Variants in UBE2U observed in about 807,000 individuals in gnomAD.
UBE2U encodes ubiquitin-conjugating enzyme E2 U.
Under a neutral mutation model 41.2 loss-of-function variants are expected in UBE2U, and 39 were observed. That is an observed-to-expected ratio of 0.95 (90% CI 0.73 to 1.24). UBE2U has a LOEUF of 1.24. Ranked by LOEUF, UBE2U falls within the 50% of genes most tolerant of loss-of-function variation. UBE2U has a pLI of 0.00. For synonymous variants in UBE2U, 107 were observed against 117.8 expected (o/e 0.91, Z 0.60); for missense variants, 336 against 363.1 (o/e 0.93, Z 0.61).
chr1:64,214,376 A>T (rs1261670019), intron 4 of UBE2U, among the ~76,000 whole-genome samples: 3 of 152,192 alleles, frequency 2.0e-5, no homozygotes, highest in Admixed American at 2.0e-4. Flanking sequence ...ACAAGTTGAG[A>T]CCATAATGAC....
intron 8 of UBE2U, among the ~76,000 whole-genome samples, chr1:64,259,940 G>T (rs1458104150): frequency 6.6e-6 from 1 of 151,634 alleles, no homozygotes; most frequent in Admixed American, 6.6e-5. Context: ...TAGGGTCTTT[G>T]CAGATATAAA....
chr1:64,230,963 G>A (rs927203693), intron 6 of UBE2U, among the ~76,000 whole-genome samples: 1 of 152,036 alleles, frequency 6.6e-6, no homozygotes, highest in Non-Finnish European at 1.5e-5. Flanking sequence ...ATCCCTGTAA[G>A]CTTACTTTAT....
chr1:64,204,020 G>C lies in UBE2U; in HGVS notation c.-31G>C. On this transcript the variant is annotated 5_prime_UTR_variant, in exon 1 of 10. Coordinates refer to ENST00000371077, the MANE Select transcript of UBE2U (RefSeq NM_001366232.2). ...CCTCAGAGTAAACCTGAGGCATTTG[G>C]GGACAAGTGTCAGACCCTCCGCTGC... The C allele has an allele frequency of 2.5e-6, 4 of 1,605,564 alleles. No homozygotes were observed. The highest frequency in any genetic ancestry group is 2.6e-6 in the Non-Finnish European group (3 of 1,174,716).
chr1:64,264,098 T>TACAAG (rs1455805535), intron 9 of UBE2U, among the ~76,000 whole-genome samples: 23 of 152,374 alleles, frequency 1.5e-4, no homozygotes, highest in African/African-American at 5.5e-4. Flanking sequence ...CTTGTATTAC[T>TACAAG]TGTAGTGGCT....
At chr1:64,220,816 A>G in intron 5 of UBE2U, 43 bp from the exon 6 acceptor site, 1 of 1,465,484 alleles carries the variant, frequency 6.8e-7, no homozygotes, top group Non-Finnish European at 9.5e-7. Flanking sequence ...CATATATTCA[A>G]TCTCCAAGTA....
At chr1:64,257,283 A>G (rs914060065) in intron 8 of UBE2U, among the ~76,000 whole-genome samples, 6 of 152,312 alleles carry the variant, frequency 3.9e-5, no homozygotes, top group Admixed American at 3.3e-4. Flanking sequence ...AGGAATATAA[A>G]TCATTCTGTT....
intron 5 of UBE2U, among the ~76,000 whole-genome samples, chr1:64,220,303 T>C (rs1652351000): frequency 6.6e-6 from 1 of 152,038 alleles, no homozygotes; most frequent in African/African-American, 2.4e-5. Flanking sequence ...CTGCTAATAC[T>C]CTGACAGCTG....
At chr1:64,238,409 A>C (rs1443560096) in intron 7 of UBE2U, among the ~76,000 whole-genome samples, 1 of 151,830 alleles carries the variant, frequency 6.6e-6, no homozygotes, top group Non-Finnish European at 1.5e-5. Context: ...CTTAAAAAAA[A>C]AAAAAAGAAA....
chr1:64,248,082 C>T (rs825198), intron 8 of UBE2U, among the ~76,000 whole-genome samples: 89,883 of 151,934 alleles, frequency 0.59, 27,086 homozygotes, highest in East Asian at 0.73. Flanking sequence ...CAACACTAAA[C>T]GAACTAAGAC....
rs140820735 is a variant in UBE2U at position 64,239,193 on chromosome 1, A to G, written c.596-2459A>G. 2.1e-3 allele frequency among the ~76,000 whole-genome samples: 278 copies of G among 134,908 alleles called. 1 individual carries two copies. The highest frequency in any genetic ancestry group is 0.018 in the East Asian group (77 of 4,196). 88.5% of individuals were successfully genotyped at this position (134,908 alleles called of 152,430 possible). On this transcript the variant is annotated intron_variant, in intron 7 of 9. Coordinates refer to ENST00000371077, the MANE Select transcript of UBE2U (RefSeq NM_001366232.2). Reference sequence around the variant, plus strand: ...AGAAGAAGAAGAAGAAGAAGAAGAAAGCCCCAGACAAGGACAAGACTGGTG... The same window carrying G: ...AGAAGAAGAAGAAGAAGAAGAAGAAGGCCCCAGACAAGGACAAGACTGGTG...
At chr1:64,239,127 A>AAGG (rs1557730225) in intron 7 of UBE2U, among the ~76,000 whole-genome samples, 1 of 21,984 alleles carries the variant, frequency 4.5e-5, no homozygotes, top group African/African-American at 2.2e-4. Flanking sequence ...GAAGAAGAAG[A>AAGG]AGAAGAAGAA....
intron 7 of UBE2U, among the ~76,000 whole-genome samples, chr1:64,237,773 G>T (rs1278401993): frequency 1.3e-5 from 2 of 152,094 alleles, no homozygotes; most frequent in African/African-American, 4.8e-5. Context: ...AAGCAATGAA[G>T]AAAATGAGTC....
chr1:64,209,569 T>C (rs143148676), intron 3 of UBE2U, among the ~76,000 whole-genome samples: 35 of 152,332 alleles, frequency 2.3e-4, no homozygotes, highest in South Asian at 4.1e-4. Context: ...TTCAGTCTTA[T>C]GTGCAATGAA....
At chr1:64,260,380 T>C (rs1203190211) in intron 8 of UBE2U, among the ~76,000 whole-genome samples, 1 of 152,216 alleles carries the variant, frequency 6.6e-6, no homozygotes, top group Non-Finnish European at 1.5e-5. Flanking sequence ...GTAGTAAACA[T>C]GTCATATTCA....
chr1:64,214,039 A>G (rs760402256), intron 4 of UBE2U, among the ~76,000 whole-genome samples: 12 of 152,168 alleles, frequency 7.9e-5, no homozygotes, highest in Non-Finnish European at 1.3e-4. Context: ...AAACATTGTT[A>G]TGTGGCACGT....
intron 6 of UBE2U, among the ~76,000 whole-genome samples, chr1:64,222,812 A>C (rs1210485231): frequency 6.6e-6 from 1 of 152,242 alleles, no homozygotes; most frequent in Non-Finnish European, 1.5e-5. Context: ...GCATTACTTC[A>C]TGAGCTGGAA....
intron 5 of UBE2U, chr1:64,215,370 G>A (rs948558211): frequency 6.3e-6 from 1 of 159,580 alleles, no homozygotes; most frequent in African/African-American, 2.4e-5. Context: ...TTTCAGTAAT[G>A]AATGGTATTA....
chr1:64,206,850 C>G lies in UBE2U; in HGVS notation c.235C>G (p.Pro79Ala). The change falls in exon 3 of 10, where the codon CCA becomes GCA. Residue 79 changes from proline to alanine, a missense_variant. Transcript: ENST00000371077. ...GAAATTTATAACAATTCCGTTTCAT[C>G]CAAATGGTAAGAACTAAATGACATT... ...VVKFITIPFH[P>A]NVDPHTGQPC... 6.3e-7 allele frequency: 1 copy of G among 1,576,948 alleles called. No individual in the cohort carries two copies. The highest frequency in any genetic ancestry group is 8.7e-7 in the Non-Finnish European group (1 of 1,149,288).
chr1:64,239,067 AGG>A (rs1491314172), intron 7 of UBE2U, among the ~76,000 whole-genome samples: 9 of 67,518 alleles, frequency 1.3e-4, no homozygotes, highest in Non-Finnish European at 2.3e-4. Context: ...GAAGAAGAAG[AGG>A]AAGAGGAAGA....
Sources: allele counts gnomAD v4.1 joint callset (sites outside exome capture counted in the v4.1 genomes callset), GRCh38; gene constraint gnomAD v4.1.1; transcripts MANE v1.5; gene names NCBI Gene and HGNC (gene_info 2026-07-23, HGNC 2026-07-21).